Variants in AKR1D1 observed in about 807,000 individuals in gnomAD.
AKR1D1 encodes the protein delta(4)-3-ketosteroid 5-beta-reductase.
A neutral mutation model predicts 42.6 loss-of-function variants in AKR1D1; 32 were observed. The observed-to-expected ratio is 0.75, with a 90% CI of 0.57 to 1.01. The LOEUF (loss-of-function observed/expected upper bound fraction) is 1.01, where lower values mean the gene tolerates loss of function less well. Among genes scored for constraint, AKR1D1 ranks in the 50% least tolerant of loss-of-function variants. The pLI, the probability that AKR1D1 is intolerant of heterozygous loss-of-function variation, is 0.00. For synonymous variants in AKR1D1, 123 were observed against 135.5 expected, an observed-to-expected ratio of 0.91 and a Z score of 0.64; for missense variants, 364 against 402.2, an observed-to-expected ratio of 0.91 and a Z score of 0.81.
intron 4 of AKR1D1, among the ~76,000 whole-genome samples, chr7:138,098,987 T>C (rs930813509): frequency 6.6e-6 from 1 of 152,092 alleles, no homozygotes; most frequent in African/African-American, 2.4e-5. Flanking sequence ...AAACATAAGT[T>C]ACCCACTGAC....
At chr7:138,104,136 T>TC (rs956213355) in intron 4 of AKR1D1, among the ~76,000 whole-genome samples, 2 of 151,774 alleles carry the variant, frequency 1.3e-5, no homozygotes, top group Non-Finnish European at 2.9e-5. Context: ...AGATACTGTT[T>TC]CAAAAAAAAA....
chr7:138,105,217 C>A, intron 4 of AKR1D1, 90 bp from the exon 5 acceptor site: 1 of 1,586,316 alleles, frequency 6.3e-7, no homozygotes, highest in East Asian at 2.2e-5. Flanking sequence ...AGGAACTTTC[C>A]TTTTTAAAGA....
Position 138,088,788 on chromosome 7 carries a change from C to G in AKR1D1, c.261+20C>G. 1 of 1,577,134 alleles carries G rather than the reference C, an allele frequency of 6.3e-7. No homozygotes were observed. The highest frequency in any genetic ancestry group is 1.2e-5 in the South Asian group (1 of 86,682). On this transcript the variant is annotated intron_variant, in intron 2 of 8. Transcript: ENST00000242375. The stretch of plus-strand genomic sequence containing the variant: ...GGAAAGGTGAGATCTTGCCTTCAGC[C>G]TCCACTGGGGACAGTGAGAAGGTTT...
intron 3 of AKR1D1, among the ~76,000 whole-genome samples, chr7:138,094,612 C>T (rs951554520): frequency 7.2e-5 from 11 of 152,126 alleles, no homozygotes; most frequent in African/African-American, 2.7e-4. Flanking sequence ...AGATCCTAGG[C>T]TCAAGCAATC....
chr7:138,107,555 T>A lies in AKR1D1; in HGVS notation c.830T>A (p.Leu277His). 2 of 1,614,004 alleles carry A rather than the reference T, an allele frequency of 1.2e-6. No homozygotes were observed. Among genetic ancestry groups the A allele is most frequent in the Non-Finnish European group, 1.7e-6 (2 of 1,180,010 alleles). The change falls in exon 7 of 9, where the codon CTT becomes CAT. Residue 277 changes from leucine to histidine, a missense_variant. By Grantham distance (99) the Leu-to-His change is moderately conservative. Coordinates refer to ENST00000242375, the MANE Select transcript of AKR1D1 (RefSeq NM_005989.4). The stretch of plus-strand genomic sequence containing the variant: ...GTTGTCATTCCTAAAAGCTTTAATC[T>A]TGAAAGGATCAAAGAAAATTTTCAG... The part of the protein sequence containing the change: ...GVVVIPKSFN[L>H]ERIKENFQIF...
Position 138,080,885 on chromosome 7 carries a change from G to T in AKR1D1, c.93+4274G>T, listed in dbSNP as rs575972874. On this transcript the variant is annotated intron_variant, in intron 1 of 8. Coordinates refer to ENST00000242375, the MANE Select transcript of AKR1D1 (RefSeq NM_005989.4). ...TCCTCCTGTCTTGGTCTCCTGAAGT[G>T]CTGATGTTAGAGGTCTGAGCCACCA... is the stretch of plus-strand genomic sequence containing the variant. Among the ~76,000 whole-genome samples, 11 of 152,250 alleles carry T rather than the reference G, an allele frequency of 7.2e-5. No homozygotes were observed. In the South Asian group the frequency reaches 2.3e-3, roughly 32 times the overall value.
chr7:138,107,703 T>C (rs1413910082), intron 7 of AKR1D1, 123 bp downstream of exon 7: 3 of 1,031,090 alleles, frequency 2.9e-6, no homozygotes, highest in African/African-American at 1.6e-5. Context: ...TACCAGCCCC[T>C]TGACCCATGT....
chr7:138,088,604 C>A lies in AKR1D1; in HGVS notation c.97C>A (p.Pro33Thr). 1 of 1,614,138 alleles carries A rather than the reference C, an allele frequency of 6.2e-7. No individual in the cohort carries two copies. Among genetic ancestry groups the A allele is most frequent in the Non-Finnish European group, 8.5e-7 (1 of 1,180,000 alleles). Residue 33 changes from proline (P) to threonine (T), a missense_variant, in exon 2 of 9, where the codon CCT becomes ACT. Pro to Thr is a conservative substitution (Grantham distance 38, BLOSUM62 -1). Coordinates refer to ENST00000242375, the MANE Select transcript of AKR1D1 (RefSeq NM_005989.4). ...LGTYSEPKST[P>T]KGACATSVKV... Reference sequence around the variant, plus strand: ...CCCAACCTCTTTGTCACTTCAGACCCCTAAGGGAGCCTGTGCAACATCGGT... The same window carrying A: ...CCCAACCTCTTTGTCACTTCAGACCACTAAGGGAGCCTGTGCAACATCGGT...
Position 138,107,526 on chromosome 7 carries a change from G to C in AKR1D1, c.801G>C (p.Gly267=). Reference sequence around the variant, plus strand: ...TTTTGCGTTTCAACATCCAGCGAGGGGTGGTTGTCATTCCTAAAAGCTTTA... The same window carrying C: ...TTTTGCGTTTCAACATCCAGCGAGGCGTGGTTGTCATTCCTAAAAGCTTTA... The part of the protein sequence containing the change: ...QIVLRFNIQR[G]VVVIPKSFNL... Residue 267 remains glycine (G), a synonymous_variant, in exon 7 of 9, where the codon GGG becomes GGC. Coordinates refer to ENST00000242375, the MANE Select transcript of AKR1D1 (RefSeq NM_005989.4). The C allele has an allele frequency of 6.2e-7, 1 of 1,614,128 alleles. No homozygotes were observed. The highest frequency in any genetic ancestry group is 8.5e-7 in the Non-Finnish European group (1 of 1,180,018).
chr7:138,104,344 G>T (rs1035430948), intron 4 of AKR1D1, among the ~76,000 whole-genome samples: 19 of 151,076 alleles, frequency 1.3e-4, no homozygotes, highest in African/African-American at 4.4e-4. Flanking sequence ...AGAGAGGAGA[G>T]ACAGAGTGTT....
At position 138,091,880 on chromosome 7, in the gene AKR1D1, T is replaced by C; in HGVS notation, c.374T>C (p.Phe125Ser). 1 of 1,608,630 alleles carries C rather than the reference T, an allele frequency of 6.2e-7. No homozygotes were observed. The highest frequency in any genetic ancestry group is 8.5e-7 in the Non-Finnish European group (1 of 1,175,246). Residue 125 changes from phenylalanine to serine, a missense_variant, in exon 3 of 9, where the codon TTT becomes TCT. By Grantham distance (155) the Phe-to-Ser change is radical. Coordinates refer to ENST00000242375, the MANE Select transcript of AKR1D1 (RefSeq NM_005989.4). ...DLYIIEVPMA[F>S]KPGDEIYPRD... ...TACATCATTGAAGTACCCATGGCCT[T>C]TAAGGTGAGTTCAGATGCCCAAAGG...
intron 2 of AKR1D1, 93 bp from the exon 3 acceptor site, chr7:138,091,675 A>AC: frequency 9.6e-7 from 1 of 1,043,356 alleles, no homozygotes; most frequent in Non-Finnish European, 1.5e-6. Flanking sequence ...CAAAAAAAAA[A>AC]AATGTGTACG....
intron 2 of AKR1D1, 104 bp downstream of exon 2, chr7:138,088,872 G>A (rs1378291697): frequency 8.2e-7 from 1 of 1,220,004 alleles, no homozygotes; most frequent in Non-Finnish European, 1.2e-6. Context: ...GCACTCATGA[G>A]TAGGCAGTAC....
At chr7:138,107,309 C>A in intron 6 of AKR1D1, 106 bp from the exon 7 acceptor site, 1 of 1,203,808 alleles carries the variant, frequency 8.3e-7, no homozygotes, top group African/African-American at 1.5e-5. Context: ...CTGCAGTGTC[C>A]TGGTAGGTGA....
In AKR1D1 at chr7:138,113,690, A is replaced by C; in HGVS notation, c.856A>C (p.Ile286Leu). Residue 286 changes from isoleucine to leucine, a missense_variant and splice_region_variant, in exon 8 of 9, where the codon ATC (isoleucine) becomes CTC (leucine). By Grantham distance (5) the Ile-to-Leu change is conservative. Transcript: ENST00000242375. ...NLERIKENFQ[I>L]FDFSLTEEEM... ...TGTTCTATTATTTCCGTTATTTCAG[A>C]TCTTTGACTTTTCTCTCACTGAAGA... The C allele has an allele frequency of 6.2e-7, 1 of 1,613,770 alleles. No individual in the cohort carries two copies. Among genetic ancestry groups the C allele is most frequent in the Non-Finnish European group, 8.5e-7 (1 of 1,179,712 alleles).
At chr7:138,088,987 A>T (rs1363817396) in intron 2 of AKR1D1, among the ~76,000 whole-genome samples, 5 of 152,160 alleles carry the variant, frequency 3.3e-5, no homozygotes, top group African/African-American at 1.2e-4. Context: ...CTTGTATCAT[A>T]TTAACGAATT....
At chr7:138,091,719 G>A (rs374290956) in intron 2 of AKR1D1, 49 bp from the exon 3 acceptor site, 107 of 1,414,930 alleles carry the variant, frequency 7.6e-5, no homozygotes, top group Non-Finnish European at 9.5e-5. Flanking sequence ...CTGCCTTATC[G>A]TAAAAAGCGT....
chr7:138,086,350 C>CT (rs954423100), intron 1 of AKR1D1, among the ~76,000 whole-genome samples: 3 of 152,268 alleles, frequency 2.0e-5, no homozygotes, highest in African/African-American at 7.2e-5. Flanking sequence ...ATTTTACAGG[C>CT]TTTTTTCTGG....
intron 2 of AKR1D1, chr7:138,091,461 T>G: frequency 2.9e-6 from 1 of 343,118 alleles, no homozygotes; most frequent in Non-Finnish European, 5.7e-6. Flanking sequence ...GTGTCAAGAG[T>G]TTTATCAGCT....
Sources: gnomAD v4.1 joint callset for allele counts (sites outside exome capture counted in the v4.1 genomes callset) on GRCh38, gnomAD v4.1.1 for gene constraint, MANE v1.5 for transcripts, NCBI Gene and HGNC (gene_info 2026-07-23, HGNC 2026-07-21) for gene names.